Variants in ANKS1B observed in about 807,000 individuals in gnomAD.
The protein encoded by ANKS1B is ankyrin repeat and sterile alpha motif domain-containing protein 1B.
A neutral mutation model predicts 148.3 loss-of-function variants in ANKS1B; 36 were observed. That is an observed-to-expected ratio of 0.24 (90% confidence interval 0.19 to 0.32). ANKS1B has a LOEUF of 0.32. Ranked by LOEUF, ANKS1B falls within the 10% of genes least tolerant of loss-of-function variation. The pLI, the probability that ANKS1B is intolerant of heterozygous loss-of-function variation, is 1.00. For synonymous variants in ANKS1B, 542 were observed against 560.8 expected, an observed-to-expected ratio of 0.97 and a Z score of 0.47; for missense variants, 1,157 against 1,542.6, an observed-to-expected ratio of 0.75 and a Z score of 4.19.
intron 8 of ANKS1B, among the ~76,000 whole-genome samples, chr12:99,769,232 G>T (rs1453253256): frequency 6.6e-6 from 1 of 152,104 alleles, no homozygotes; most frequent in African/African-American, 2.4e-5. Flanking sequence ...ACCTCAGAAA[G>T]ATCTTGGCTG....
chr12:98,890,418 A>AAT (rs1555468865), intron 17 of ANKS1B, among the ~76,000 whole-genome samples: 1 of 152,176 alleles, frequency 6.6e-6, no homozygotes, highest in African/African-American at 2.4e-5. Context: ...GACAGAAAAA[A>AAT]ATATATATAT....
intron 12 of ANKS1B, among the ~76,000 whole-genome samples, chr12:99,323,344 TC>T (rs1434671447): frequency 6.6e-6 from 1 of 152,218 alleles, no homozygotes; most frequent in Non-Finnish European, 1.5e-5. Flanking sequence ...TGCATGGCAT[TC>T]ATGCAGCCAT....
chr12:98,786,951 A>G (rs1427750055), intron 22 of ANKS1B, among the ~76,000 whole-genome samples: 4 of 152,158 alleles, frequency 2.6e-5, no homozygotes, highest in Non-Finnish European at 5.9e-5. Flanking sequence ...TAACCTACAC[A>G]TGGCTATCCT....
Position 98,872,601 on chromosome 12 carries a change from A to T in ANKS1B, c.2779-40465T>A, listed in dbSNP as rs143492995. On this transcript the variant is annotated intron_variant, in intron 17 of 26. Coordinates refer to ENST00000683438, the MANE Select transcript of ANKS1B (RefSeq NM_001352186.2). ...GGGCATTAGGGTAAGCCCTAATCCC[A>T]TAAAACTGGTGTCCTATTGAGATTA... Among the ~76,000 whole-genome samples, 264 of 152,314 alleles carry T rather than the reference A, an allele frequency of 1.7e-3. 6 individuals carry two copies. The highest frequency in any genetic ancestry group is 0.015 in the Admixed American group (234 of 15,304).
At chr12:99,466,946 A>G (rs2096128728) in intron 10 of ANKS1B, among the ~76,000 whole-genome samples, 3 of 152,248 alleles carry the variant, frequency 2.0e-5, no homozygotes, top group South Asian at 2.1e-4. Flanking sequence ...TTATGAGGCC[A>G]GAATCATCCT....
At chr12:99,724,265 T>TTA (rs1400980724) in intron 8 of ANKS1B, among the ~76,000 whole-genome samples, 1 of 152,004 alleles carries the variant, frequency 6.6e-6, no homozygotes, top group Non-Finnish European at 1.5e-5. Context: ...TGAAAAAAGG[T>TTA]TACAGGAGCT....
chr12:99,304,225 C>T (rs2082048200), intron 12 of ANKS1B, among the ~76,000 whole-genome samples: 1 of 152,052 alleles, frequency 6.6e-6, no homozygotes, highest in Non-Finnish European at 1.5e-5. Context: ...GTTTACATTC[C>T]CACCAGCAGT....
chr12:98,762,524 C>T (rs1290182445), intron 25 of ANKS1B, among the ~76,000 whole-genome samples: 5 of 152,198 alleles, frequency 3.3e-5, no homozygotes, highest in Non-Finnish European at 7.3e-5. Context: ...GCAATCACCC[C>T]TAAATGCTAT....
intron 17 of ANKS1B, among the ~76,000 whole-genome samples, chr12:99,040,252 TTC>T (rs963115441): frequency 7.5e-4 from 114 of 151,966 alleles, no homozygotes; most frequent in African/African-American, 2.7e-3. Flanking sequence ...CTCTCACTCT[TTC>T]TCTCTCTCTA....
intron 17 of ANKS1B, among the ~76,000 whole-genome samples, chr12:99,010,709 T>C (rs1175113755): frequency 1.3e-5 from 2 of 151,622 alleles, no homozygotes; most frequent in African/African-American, 4.8e-5. Flanking sequence ...AAACAAATGG[T>C]ACAGGCAGAT....
At position 99,741,880 on chromosome 12, in the gene ANKS1B, T is replaced by C. The variant is rs149516116; in HGVS notation, c.1128+31042A>G. ...CACATTCTGCACGTTTCCCAGAACT[T>C]AAAGTATAATGAAAATAAATAAATA... On this transcript the variant is annotated intron_variant, in intron 8 of 26. Coordinates refer to ENST00000683438, the MANE Select transcript of ANKS1B (RefSeq NM_001352186.2). Among the ~76,000 whole-genome samples the C allele has an allele frequency of 9.3e-5, 14 of 151,162 alleles. No individual in the cohort carries two copies. In the East Asian group the frequency reaches 2.8e-3, roughly 30 times the overall value.
intron 17 of ANKS1B, among the ~76,000 whole-genome samples, chr12:98,972,927 A>ATG (rs1166617524): frequency 1.3e-5 from 2 of 152,212 alleles, no homozygotes; most frequent in Admixed American, 1.3e-4. Flanking sequence ...TTGCAGACTT[A>ATG]TGGGATAAAC....
chr12:99,693,115 T>C (rs11110000), intron 8 of ANKS1B, among the ~76,000 whole-genome samples: 4,791 of 151,868 alleles, frequency 0.032, 280 homozygotes, highest in African/African-American at 0.11. Flanking sequence ...AAAAGAGCAG[T>C]CAAGGAGGGA....
intron 16 of ANKS1B, among the ~76,000 whole-genome samples, chr12:99,058,599 A>G (rs2041133049): frequency 6.6e-6 from 1 of 151,580 alleles, no homozygotes; most frequent in African/African-American, 2.4e-5. Context: ...TTATTGTATG[A>G]GTTTGATTTT....
intron 15 of ANKS1B, among the ~76,000 whole-genome samples, chr12:99,153,394 C>T (rs1472853321): frequency 6.6e-6 from 1 of 152,028 alleles, no homozygotes; most frequent in Non-Finnish European, 1.5e-5. Flanking sequence ...TCTCTCTAAA[C>T]TTAGGGATCA....
chr12:98,791,366 A>C (rs1018872364), intron 22 of ANKS1B, among the ~76,000 whole-genome samples: 4 of 152,138 alleles, frequency 2.6e-5, no homozygotes, highest in Non-Finnish European at 5.9e-5. Flanking sequence ...ACAATGGGAA[A>C]GGCACATGTG....
At chr12:99,818,171 A>T (rs2082103093) in intron 2 of ANKS1B, among the ~76,000 whole-genome samples, 1 of 151,884 alleles carries the variant, frequency 6.6e-6, no homozygotes, top group Non-Finnish European at 1.5e-5. Context: ...GCAAAAATAG[A>T]CAAATGGGAT....
intron 17 of ANKS1B, among the ~76,000 whole-genome samples, chr12:98,850,739 T>C (rs1232054079): frequency 3.3e-5 from 5 of 151,422 alleles, no homozygotes; most frequent in Non-Finnish European, 5.9e-5. Context: ...AGTGCTGGGA[T>C]TACAGGCGTG....
At chr12:99,031,584 A>G (rs764544587) in intron 17 of ANKS1B, among the ~76,000 whole-genome samples, 2 of 152,250 alleles carry the variant, frequency 1.3e-5, no homozygotes, top group African/African-American at 2.4e-5. Flanking sequence ...TCCTGATAAA[A>G]GGAACACACA....
Sources: allele counts gnomAD v4.1 joint callset (sites outside exome capture counted in the v4.1 genomes callset), GRCh38; gene constraint gnomAD v4.1.1; transcripts MANE v1.5; gene names NCBI Gene and HGNC (gene_info 2026-07-23, HGNC 2026-07-21).